Variants in CHST9 observed in about 807,000 individuals in gnomAD.
CHST9 encodes the protein GalNAc-4-sulfotransferase 2.
In CHST9, 41 loss-of-function variants were observed where a neutral mutation model predicts 44.4. The ratio of observed to expected loss-of-function variants is 0.92; its 90% CI spans 0.72 to 1.20. The LOEUF is 1.20. Ranked by LOEUF, CHST9 falls within the 50% of genes most tolerant of loss-of-function variation. The pLI, the probability that CHST9 is intolerant of heterozygous loss-of-function variation, is 0.00. For missense variants in CHST9, 504 were observed against 516.5 expected, an observed-to-expected ratio of 0.98 and a Z score of 0.23; for synonymous variants, 171 against 178.4, an observed-to-expected ratio of 0.96 and a Z score of 0.33.
intron 2 of CHST9, among the ~76,000 whole-genome samples, chr18:27,097,918 C>A (rs7230608): frequency 0.32 from 48,951 of 151,762 alleles, 8,207 homozygotes; most frequent in East Asian, 0.49. Context: ...TTTCTGAGGT[C>A]TTTGTTCTGT....
chr18:27,059,667 C>G (rs2057698170), intron 2 of CHST9, among the ~76,000 whole-genome samples: 1 of 152,136 alleles, frequency 6.6e-6, no homozygotes. Flanking sequence ...TGCTCTTTTT[C>G]CCCACACTCT....
At chr18:27,000,622 G>GTCTACCTACCTATCTATCTATCTA (rs2056937863) in intron 4 of CHST9, among the ~76,000 whole-genome samples, 1 of 147,490 alleles carries the variant, frequency 6.8e-6, no homozygotes, top group African/African-American at 2.5e-5. Flanking sequence ...TATTTGTTTT[G>GTCTACCTACCTATCTATCTATCTA]TCTATCTATC....
chr18:27,039,290 T>C (rs749307142), intron 3 of CHST9, among the ~76,000 whole-genome samples: 40 of 152,158 alleles, frequency 2.6e-4, no homozygotes, highest in Non-Finnish European at 4.7e-4. Flanking sequence ...GTTGCATGAA[T>C]GGATAAATAA....
intron 5 of CHST9, chr18:26,933,797 T>C (rs1380241261): frequency 6.5e-6 from 1 of 153,168 alleles, no homozygotes; most frequent in Non-Finnish European, 1.5e-5. Flanking sequence ...AAGGAAAAAA[T>C]TGGACAGACA....
intron 2 of CHST9, among the ~76,000 whole-genome samples, chr18:27,128,051 T>C (rs562456762): frequency 1.8e-3 from 273 of 152,242 alleles, no homozygotes; most frequent in African/African-American, 6.4e-3. Flanking sequence ...GAACTTAGGA[T>C]TGCCAAGCAA....
intron 3 of CHST9, among the ~76,000 whole-genome samples, chr18:27,043,950 A>G (rs941809326): frequency 1.2e-4 from 19 of 152,134 alleles, no homozygotes; most frequent in African/African-American, 4.1e-4. Flanking sequence ...TCAATAGGCC[A>G]TGCCTTTTCC....
chr18:27,002,185 G>GC (rs956329555), intron 4 of CHST9, among the ~76,000 whole-genome samples: 2 of 151,734 alleles, frequency 1.3e-5, no homozygotes, highest in African/African-American at 2.4e-5. Context: ...ACCCTGCAGT[G>GC]CACAAACTGC....
intron 2 of CHST9, among the ~76,000 whole-genome samples, chr18:27,100,574 C>T (rs2058161377): frequency 6.6e-6 from 1 of 152,084 alleles, no homozygotes; most frequent in South Asian, 2.1e-4. Flanking sequence ...TGCAAAAATT[C>T]CCCTGTGGTT....
intron 2 of CHST9, among the ~76,000 whole-genome samples, chr18:27,112,857 A>G (rs1004660790): frequency 6.6e-6 from 1 of 152,140 alleles, no homozygotes; most frequent in Non-Finnish European, 1.5e-5. Flanking sequence ...TAAGAATATG[A>G]CTTATCTTCT....
At chr18:27,116,860 T>C (rs1456359394) in intron 2 of CHST9, among the ~76,000 whole-genome samples, 1 of 152,178 alleles carries the variant, frequency 6.6e-6, no homozygotes, top group Non-Finnish European at 1.5e-5. Context: ...GTAATGCTAC[T>C]ATAAATGAAA....
intron 2 of CHST9, among the ~76,000 whole-genome samples, chr18:27,066,656 T>C (rs1273704351): frequency 6.6e-6 from 1 of 152,190 alleles, no homozygotes; most frequent in Non-Finnish European, 1.5e-5. Context: ...ATCATTCACA[T>C]TTCCTACATT....
At chr18:27,107,278 T>C (rs1396261468) in intron 2 of CHST9, among the ~76,000 whole-genome samples, 1 of 152,220 alleles carries the variant, frequency 6.6e-6, no homozygotes, top group East Asian at 1.9e-4. Flanking sequence ...CATGGGGACT[T>C]ATTTTAGGAA....
chr18:27,171,704 A>G (rs1165740813), intron 1 of CHST9, among the ~76,000 whole-genome samples: 1 of 152,230 alleles, frequency 6.6e-6, no homozygotes, highest in Non-Finnish European at 1.5e-5. Flanking sequence ...AAGGCAAAAC[A>G]AAAAACAAAA....
At chr18:27,099,081 G>C (rs1250600504) in intron 2 of CHST9, among the ~76,000 whole-genome samples, 2 of 152,028 alleles carry the variant, frequency 1.3e-5, no homozygotes, top group Admixed American at 1.3e-4. Context: ...ACAAAAATAA[G>C]CAATAGAAAG....
chr18:27,050,465 C>T (rs11660380), intron 2 of CHST9, among the ~76,000 whole-genome samples: 1,713 of 152,220 alleles, frequency 0.011, 13 homozygotes, highest in Middle Eastern at 0.051. Context: ...TTAGGCCACA[C>T]GTTGAAGCTA....
intron 1 of CHST9, among the ~76,000 whole-genome samples, chr18:27,165,562 AAAGT>A (rs1292220184): frequency 5.3e-5 from 8 of 152,198 alleles, no homozygotes; most frequent in African/African-American, 1.9e-4. Context: ...TTGAGAGACA[AAAGT>A]AAGCACCAAA....
At chr18:26,993,950 C>T (rs544185435) in intron 4 of CHST9, among the ~76,000 whole-genome samples, 1 of 152,352 alleles carries the variant, frequency 6.6e-6, no homozygotes, top group Admixed American at 6.5e-5. Flanking sequence ...GGGCCTCTCT[C>T]CTCGGCTGGG....
intron 2 of CHST9, among the ~76,000 whole-genome samples, chr18:27,060,570 C>T (rs1452542041): frequency 6.6e-6 from 1 of 152,094 alleles, no homozygotes; most frequent in Non-Finnish European, 1.5e-5. Context: ...CTAAGATTTG[C>T]ACAAGACTAA....
rs776200948 is a variant in CHST9, at chr18:26,909,236, GT to G, written c.*7022del. On this transcript the variant is annotated 3_prime_UTR_variant, in exon 6 of 6. Transcript: ENST00000618847. ...CTGACAATTCTCTGAGCTGAGAGTT[GT>G]TAACTTTTCAACACAGTGACAGAAT... The G allele has an allele frequency of 7.2e-5, 11 of 152,164 alleles. No individual in the cohort carries two copies. The highest frequency in any genetic ancestry group is 1.5e-4 in the Non-Finnish European group (10 of 68,030). 9.4% of individuals were successfully genotyped at this position (152,164 alleles called of 1,614,324 possible).
Sources: gnomAD v4.1 joint callset for allele counts (sites outside exome capture counted in the v4.1 genomes callset) on GRCh38, gnomAD v4.1.1 for gene constraint, MANE v1.5 for transcripts, NCBI Gene and HGNC (gene_info 2026-07-23, HGNC 2026-07-21) for gene names.